Variants in RANBP3L observed in about 807,000 individuals in gnomAD.
RANBP3L encodes the protein RAN binding protein 3 like.
A neutral mutation model predicts 67.2 loss-of-function variants in RANBP3L; 56 were observed. That is an observed-to-expected ratio of 0.83 (90% confidence interval 0.67 to 1.04). The LOEUF (loss-of-function observed/expected upper bound fraction) is 1.04, where lower values mean the gene tolerates loss of function less well. Ranked by LOEUF, RANBP3L falls within the 50% of genes least tolerant of loss-of-function variation. The pLI is 0.00. For missense variants in RANBP3L, 496 were observed against 535.5 expected (o/e 0.93, Z 0.73); for synonymous variants, 164 against 181.4 (o/e 0.90, Z 0.77).
At position 36,261,354 on chromosome 5, in the gene RANBP3L, C is replaced by T. The variant is rs201513741; in HGVS notation, c.585-490G>A. On this transcript the variant is annotated intron_variant, in intron 7 of 13. Coordinates refer to ENST00000296604, the MANE Select transcript of RANBP3L (RefSeq NM_145000.5). ...TTTTCATGATGAGAAACTCGAAGAC[C>T]GGAAGCCCGCTCTTTGTAGACAGAT... 7.2e-5 allele frequency among the ~76,000 whole-genome samples: 11 copies of T among 152,098 alleles called. No homozygotes were observed. In the East Asian group the frequency reaches 1.2e-3, roughly 16 times the overall value.
At chr5:36,257,164 G>T in intron 9 of RANBP3L, 93 bp from the exon 10 acceptor site, 1 of 1,055,500 alleles carries the variant, frequency 9.5e-7, no homozygotes, top group Non-Finnish European at 1.3e-6. Flanking sequence ...TATCTACTTG[G>T]CTTCTTCTAG....
At chr5:36,287,970 T>C (rs908631656) in intron 1 of RANBP3L, among the ~76,000 whole-genome samples, 2 of 152,354 alleles carry the variant, frequency 1.3e-5, no homozygotes, top group African/African-American at 2.4e-5. Flanking sequence ...GTGGAATTAC[T>C]AGTAGAGGCC....
rs1748355827 is a variant in RANBP3L, at chr5:36,247,472, A to G, written c.*2182T>C. On this transcript the variant is annotated 3_prime_UTR_variant, in exon 14 of 14. Transcript: ENST00000296604. ...AAGATAGTTAATTTTTTCCATTGATATATGCGGAGAAATCTAAAGAAAATC... is the reference window on the plus strand; with the variant it reads ...AAGATAGTTAATTTTTTCCATTGATGTATGCGGAGAAATCTAAAGAAAATC... Among the ~76,000 whole-genome samples, 1 of 152,230 alleles carries G rather than the reference A, an allele frequency of 6.6e-6. No individual in the cohort carries two copies.
intron 4 of RANBP3L, chr5:36,268,333 T>C (rs1342168107): frequency 3.5e-6 from 4 of 1,158,428 alleles, no homozygotes; most frequent in Middle Eastern, 2.0e-4. Context: ...TCATTTGGAG[T>C]TTTGCTGTTT....
At position 36,301,709 on chromosome 5, in the gene RANBP3L, A is replaced by G. The variant is rs1752628446; in HGVS notation, c.-293T>C. 3.5e-6 allele frequency: 1 copy of G among 288,660 alleles called. No homozygotes were observed. The highest frequency in any genetic ancestry group is 6.5e-6 in the Non-Finnish European group (1 of 153,292). 17.9% of individuals were successfully genotyped at this position (288,660 alleles called of 1,614,324 possible). A position where few individuals can be genotyped will look rare whatever the true frequency, so the allele number is the denominator to read the frequency against. On this transcript the variant is annotated 5_prime_UTR_variant, in exon 1 of 14. Transcript: ENST00000296604. ...ACAAATTGAAACTAAACCTCCTTATAGAGTAAAATTCTACAAATTAACTAT... is the reference window on the plus strand; with the variant it reads ...ACAAATTGAAACTAAACCTCCTTATGGAGTAAAATTCTACAAATTAACTAT...
rs1026654262 is a variant in RANBP3L at position 36,278,157 on chromosome 5, A to G, written c.92-6846T>C. Among the ~76,000 whole-genome samples, 4 of 152,162 alleles carry G rather than the reference A, an allele frequency of 2.6e-5. No individual in the cohort carries two copies. The South Asian group carries it at 8.3e-4, about 32-fold the overall frequency. ...CCTACTCTATGTTAGCTCTGGGGGA[A>G]GTGCCTCATTCTTCCCCAAAAGTCT... On this transcript the variant is annotated intron_variant, in intron 1 of 13. Coordinates refer to ENST00000296604, the MANE Select transcript of RANBP3L (RefSeq NM_145000.5).
Position 36,251,349 on chromosome 5 carries a change from C to A in RANBP3L, c.1318G>T (p.Glu440Ter). 1 of 1,613,148 alleles carries A rather than the reference C, an allele frequency of 6.2e-7. No individual in the cohort carries two copies. The highest frequency in any genetic ancestry group is 1.7e-4 in the Middle Eastern group (1 of 6,056). ...TTAGTGACTTGGATGAAATCATCCTCATTCTCATCACAGCTTTCGCAGTTC... is the reference window on the plus strand; with the variant it reads ...TTAGTGACTTGGATGAAATCATCCTAATTCTCATCACAGCTTTCGCAGTTC... ...QLNCESCDEN[E>*]DDFIQVTKNG... The change falls in exon 13 of 14, where the codon GAG (glutamate) becomes TAG (stop). Residue 440 changes from glutamate (E) to a stop codon, truncating the protein, a stop_gained. Transcript: ENST00000296604. LOFTEE classifies it high-confidence loss of function.
chr5:36,264,811 G>C, intron 6 of RANBP3L, 148 bp downstream of exon 6: 1 of 683,186 alleles, frequency 1.5e-6, no homozygotes, highest in South Asian at 2.1e-5. Context: ...GTACAACTTT[G>C]AAAAGTTTAC....
At position 36,255,553 on chromosome 5, in the gene RANBP3L, T is replaced by C; in HGVS notation, c.941A>G (p.Gln314Arg). ...CKLFIFNKTT[Q>R]SWIERGRGTL... ...TCCTCTGCCCCTTTCAATCCAGGAT[T>C]GTGTTGTTTTGTTGAATATGAAAAG... The change falls in exon 11 of 14, where the codon CAA becomes CGA. Residue 314 changes from glutamine to arginine, a missense_variant. By Grantham distance (43) the Gln-to-Arg change is conservative. Transcript: ENST00000296604. 6.2e-7 allele frequency: 1 copy of C among 1,611,116 alleles called. No individual in the cohort carries two copies. Among genetic ancestry groups the C allele is most frequent in the Non-Finnish European group, 8.5e-7 (1 of 1,177,848 alleles).
chr5:36,275,005 T>G (rs1363006045), intron 1 of RANBP3L, among the ~76,000 whole-genome samples: 4 of 152,186 alleles, frequency 2.6e-5, no homozygotes, highest in Non-Finnish European at 5.9e-5. Context: ...TTTTGCTATT[T>G]TGCTTGTTTT....
rs202231727 is a variant in RANBP3L at position 36,257,514 on chromosome 5, A to G, written c.712T>C (p.Tyr238His). 5.5e-5 allele frequency: 88 copies of G among 1,599,258 alleles called. No homozygotes were observed. The highest frequency in any genetic ancestry group is 5.5e-5 in the Non-Finnish European group (64 of 1,170,630). ...GATTTGAATGGTTTTTCCTTGGCAT[A>G]TGAATCATTTTCAAGTTGAGGCTGG... is the stretch of plus-strand genomic sequence containing the variant. Reference protein sequence around the residue: ...LTQPQLENDSYAKEKPFKSIP... With the variant: ...LTQPQLENDSHAKEKPFKSIP... The change falls in exon 9 of 14, where the codon TAT (tyrosine) becomes CAT (histidine). Residue 238 changes from tyrosine to histidine, a missense_variant. Tyr to His is a moderately conservative substitution (Grantham distance 83). Coordinates refer to ENST00000296604, the MANE Select transcript of RANBP3L (RefSeq NM_145000.5).
At chr5:36,260,659 C>T (rs1054492701) in intron 8 of RANBP3L, 121 bp downstream of exon 8, 4 of 564,470 alleles carry the variant, frequency 7.1e-6, no homozygotes, top group East Asian at 3.2e-5. Flanking sequence ...AGAAAATGTG[C>T]GTTTGAACTC....
At chr5:36,254,034 A>T (rs1310128799) in intron 11 of RANBP3L, among the ~76,000 whole-genome samples, 6 of 152,066 alleles carry the variant, frequency 3.9e-5, no homozygotes. Context: ...AAATTTTAGA[A>T]CTCCTTTTAA....
intron 1 of RANBP3L, among the ~76,000 whole-genome samples, chr5:36,283,677 C>G (rs1751136358): frequency 6.6e-6 from 1 of 152,086 alleles, no homozygotes; most frequent in South Asian, 2.1e-4. Context: ...TTCCTCTTTA[C>G]TCTTACTCTT....
In RANBP3L at chr5:36,248,845, A is replaced by G. The variant is rs962584197; in HGVS notation, c.*809T>C. The G allele has an allele frequency of 6.6e-6, 1 of 152,198 alleles. No individual in the cohort carries two copies. Among genetic ancestry groups the G allele is most frequent in the African/African-American group, 2.4e-5 (1 of 41,464 alleles). The allele number at this position is 152,198 out of a possible 1,614,324, so 9.4% of individuals were successfully genotyped here. A position where few individuals can be genotyped will look rare whatever the true frequency, so the allele number is the denominator to read the frequency against. ...TGAAATTACTGTAGCCTACTATAAT[A>G]ATATCATTTAAGAAAAAGATTCATT... On this transcript the variant is annotated 3_prime_UTR_variant, in exon 14 of 14. Coordinates refer to ENST00000296604, the MANE Select transcript of RANBP3L (RefSeq NM_145000.5).
In RANBP3L at chr5:36,261,987, G is replaced by A. The variant is rs868141616; in HGVS notation, c.536C>T (p.Ser179Leu). Residue 179 changes from serine to leucine, a missense_variant, in exon 7 of 14, where the codon TCA becomes TTA. By Grantham distance (145) the Ser-to-Leu change is moderately radical. Coordinates refer to ENST00000296604, the MANE Select transcript of RANBP3L (RefSeq NM_145000.5). ...LSENLSRARI[S>L]VQLSTNQDFL... ...GTCCTGGTTAGTAGACAGCTGGACT[G>A]AAATTCTAGCCCTTGATAAATTTTC... 6.2e-7 allele frequency: 1 copy of A among 1,606,906 alleles called. No homozygotes were observed. Among genetic ancestry groups the A allele is most frequent in the Non-Finnish European group, 8.5e-7 (1 of 1,174,462 alleles).
At chr5:36,296,076 C>T (rs1752196404) in intron 1 of RANBP3L, among the ~76,000 whole-genome samples, 1 of 152,160 alleles carries the variant, frequency 6.6e-6, no homozygotes, top group African/African-American at 2.4e-5. Flanking sequence ...AGCAGAGGCT[C>T]CTGTGCTCAT....
chr5:36,255,950 T>C (rs1748948588), intron 10 of RANBP3L, among the ~76,000 whole-genome samples: 1 of 152,138 alleles, frequency 6.6e-6, no homozygotes, highest in South Asian at 2.1e-4. Flanking sequence ...TCTTTTTTTC[T>C]GTCAATGGTA....
intron 1 of RANBP3L, among the ~76,000 whole-genome samples, chr5:36,297,439 A>G (rs1752305068): frequency 6.6e-6 from 1 of 151,498 alleles, no homozygotes; most frequent in Admixed American, 6.6e-5. Flanking sequence ...ACACACACAC[A>G]CACACACGCA....
Sources: gnomAD v4.1 joint callset for allele counts (sites outside exome capture counted in the v4.1 genomes callset) on GRCh38, gnomAD v4.1.1 for gene constraint, MANE v1.5 for transcripts, NCBI Gene and HGNC (gene_info 2026-07-23, HGNC 2026-07-21) for gene names.